SLC2A13: variants seen among roughly 807,000 people sequenced by gnomAD.
The protein encoded by SLC2A13 is solute carrier family 2 member 13.
In SLC2A13, 32 loss-of-function variants were observed where a neutral mutation model predicts 64.4. The observed-to-expected ratio is 0.50, with a 90% CI of 0.37 to 0.67. The LOEUF (loss-of-function observed/expected upper bound fraction) is 0.67, where lower values mean the gene tolerates loss of function less well. SLC2A13 is among the 30% of genes least tolerant of loss of function. The probability of loss-of-function intolerance (pLI) is 0.00; values close to 1 mark genes in which losing one functional copy is unlikely to be tolerated. For synonymous variants in SLC2A13, 338 were observed against 327.1 expected (o/e 1.03, Z -0.36); for missense variants, 743 against 829.2 (o/e 0.90, Z 1.28).
chr12:39,802,994 G>T (rs1454286615), intron 7 of SLC2A13, among the ~76,000 whole-genome samples: 3 of 152,128 alleles, frequency 2.0e-5, no homozygotes, highest in Non-Finnish European at 4.4e-5. Context: ...CTCACTAGAG[G>T]TATCTTCCAT....
intron 3 of SLC2A13, among the ~76,000 whole-genome samples, chr12:40,018,536 T>C (rs1350407105): frequency 6.6e-6 from 1 of 152,194 alleles, no homozygotes; most frequent in Non-Finnish European, 1.5e-5. Flanking sequence ...TACCAGCATC[T>C]ATTGGACTAA....
chr12:40,094,056 T>A (rs1193107416), intron 1 of SLC2A13, among the ~76,000 whole-genome samples: 1 of 152,006 alleles, frequency 6.6e-6, no homozygotes, highest in Non-Finnish European at 1.5e-5. Flanking sequence ...TCAGGGTGAT[T>A]GTAGTGGAAG....
At chr12:39,860,165 T>A (rs532296493) in intron 6 of SLC2A13, among the ~76,000 whole-genome samples, 1 of 152,192 alleles carries the variant, frequency 6.6e-6, no homozygotes, top group Non-Finnish European at 1.5e-5. Flanking sequence ...AGGTGGTTAG[T>A]CTGTGTGCCC....
At chr12:39,886,222 T>A (rs1237755847) in intron 4 of SLC2A13, among the ~76,000 whole-genome samples, 1 of 151,920 alleles carries the variant, frequency 6.6e-6, no homozygotes, top group Non-Finnish European at 1.5e-5. Flanking sequence ...CAAAGAGAGG[T>A]CTGACACACA....
At chr12:39,856,371 A>C (rs60002366) in intron 6 of SLC2A13, among the ~76,000 whole-genome samples, 13,402 of 151,938 alleles carry the variant, frequency 0.088, 1,331 homozygotes, top group African/African-American at 0.25. Flanking sequence ...TATTTTATTT[A>C]TTTTATTTTA....
chr12:39,832,153 G>A (rs1208423939), intron 6 of SLC2A13, among the ~76,000 whole-genome samples: 1 of 152,100 alleles, frequency 6.6e-6, no homozygotes, highest in Admixed American at 6.6e-5. Flanking sequence ...TTTCCACACT[G>A]GTGATAAGCA....
At chr12:40,001,807 A>T (rs1470171152) in intron 3 of SLC2A13, among the ~76,000 whole-genome samples, 1 of 152,258 alleles carries the variant, frequency 6.6e-6, no homozygotes, top group Non-Finnish European at 1.5e-5. Flanking sequence ...CTATTTCTTC[A>T]ATAAATATGA....
chr12:40,018,810 C>T (rs1031074837), intron 3 of SLC2A13, among the ~76,000 whole-genome samples: 3 of 152,144 alleles, frequency 2.0e-5, no homozygotes, highest in African/African-American at 7.2e-5. Context: ...CTCCACCTTA[C>T]CTCCTCAGAT....
chr12:40,097,423 T>TG (rs1462793963), intron 1 of SLC2A13, among the ~76,000 whole-genome samples: 2 of 151,956 alleles, frequency 1.3e-5, no homozygotes, highest in African/African-American at 4.8e-5. Flanking sequence ...CAATAAACAG[T>TG]GAAAAAGCAA....
In SLC2A13 at chr12:39,926,186, A is replaced by C. The variant is rs372104804; in HGVS notation, c.1034+25071T>G. Reference sequence around the variant, plus strand: ...CTCAAAGCACAATAATTATTCCTCAATTATAGAAAAATATAAATAAATAAC... The same window carrying C: ...CTCAAAGCACAATAATTATTCCTCACTTATAGAAAAATATAAATAAATAAC... On this transcript the variant is annotated intron_variant, in intron 4 of 9. Coordinates refer to ENST00000280871, the MANE Select transcript of SLC2A13 (RefSeq NM_052885.4). 2.2e-3 allele frequency among the ~76,000 whole-genome samples: 336 copies of C among 152,258 alleles called. 1 individual carries two copies. Among genetic ancestry groups the C allele is most frequent in the South Asian group, 0.017 (83 of 4,824 alleles).
At chr12:39,765,784 G>C (rs1940326825) in intron 7 of SLC2A13, among the ~76,000 whole-genome samples, 1 of 152,012 alleles carries the variant, frequency 6.6e-6, no homozygotes, top group Non-Finnish European at 1.5e-5. Context: ...TTGTTACATA[G>C]GTAAATGCGT....
chr12:39,922,921 T>G (rs1226050110), intron 4 of SLC2A13, among the ~76,000 whole-genome samples: 1 of 152,226 alleles, frequency 6.6e-6, no homozygotes, highest in Admixed American at 6.5e-5. Context: ...TGCCTCTATT[T>G]TAAATAAGCT....
chr12:39,878,161 A>G (rs753041241), intron 4 of SLC2A13, among the ~76,000 whole-genome samples: 6 of 152,196 alleles, frequency 3.9e-5, no homozygotes, highest in Non-Finnish European at 5.9e-5. Flanking sequence ...TTTTCTTCAT[A>G]AATTACCAAC....
intron 1 of SLC2A13, among the ~76,000 whole-genome samples, chr12:40,080,650 C>T (rs1226496795): frequency 6.6e-6 from 1 of 152,158 alleles, no homozygotes; most frequent in Non-Finnish European, 1.5e-5. Context: ...CCTCAGTCTC[C>T]CAAAGGGTTG....
intron 7 of SLC2A13, among the ~76,000 whole-genome samples, chr12:39,807,072 GCCAC>G (rs1566812844): frequency 1.3e-5 from 2 of 150,226 alleles, no homozygotes; most frequent in African/African-American, 5.0e-5. Flanking sequence ...TATAGTTTTT[GCCAC>G]TGAAAGTAAT....
chr12:39,815,518 T>G (rs145959496), intron 7 of SLC2A13, among the ~76,000 whole-genome samples: 1 of 152,336 alleles, frequency 6.6e-6, no homozygotes, highest in East Asian at 1.9e-4. Context: ...CACTGAGAGA[T>G]TTCTATGTGT....
chr12:40,029,210 C>G (rs892439076), intron 2 of SLC2A13, among the ~76,000 whole-genome samples: 1 of 152,072 alleles, frequency 6.6e-6, no homozygotes, highest in African/African-American at 2.4e-5. Flanking sequence ...CATTTTAACT[C>G]CCTCCAAGAA....
intron 3 of SLC2A13, among the ~76,000 whole-genome samples, chr12:40,025,212 G>T (rs1367784390): frequency 6.6e-6 from 1 of 152,190 alleles, no homozygotes; most frequent in Non-Finnish European, 1.5e-5. Flanking sequence ...TTATTCCATG[G>T]TATGGCCTGG....
At chr12:40,101,119 G>A (rs1939135403) in intron 1 of SLC2A13, among the ~76,000 whole-genome samples, 1 of 151,884 alleles carries the variant, frequency 6.6e-6, no homozygotes, top group Non-Finnish European at 1.5e-5. Flanking sequence ...AAAGTCTAGT[G>A]TCAGGACTCA....
Sources: allele counts gnomAD v4.1 joint callset (sites outside exome capture counted in the v4.1 genomes callset), GRCh38; gene constraint gnomAD v4.1.1; transcripts MANE v1.5; gene names NCBI Gene and HGNC (gene_info 2026-07-23, HGNC 2026-07-21).